The following SHISA9 variants were observed in gnomAD, a reference collection of about 807,000 sequenced individuals.
The protein encoded by SHISA9 is protein shisa-9.
SHISA9 carries 13 observed loss-of-function variants against 38.0 expected under a neutral mutation model. The ratio of observed to expected loss-of-function variants is 0.34; its 90% CI spans 0.22 to 0.54. SHISA9 has a LOEUF of 0.54. Among genes scored for constraint, SHISA9 ranks in the 20% least tolerant of loss-of-function variants. SHISA9 has a pLI of 0.91. For missense variants in SHISA9, 538 were observed against 575.8 expected, an observed-to-expected ratio of 0.93 and a Z score of 0.67; for synonymous variants, 275 against 242.0, an observed-to-expected ratio of 1.14 and a Z score of -1.27.
At chr16:13,264,245 G>T in the SHISA9 span, among the ~76,000 whole-genome samples, 33 of 150,624 alleles carry the variant, frequency 2.2e-4, no homozygotes, top group Non-Finnish European at 1.0e-4. Flanking sequence ...CATGATCTTG[G>T]CTCTCTGCAA....
At chr16:13,041,237 A>C (rs1501316) in intron 2 of SHISA9, among the ~76,000 whole-genome samples, 118,345 of 152,084 alleles carry the variant, frequency 0.78, 46,516 homozygotes, top group African/African-American at 0.89. Flanking sequence ...TGTTTCCTCA[A>C]TGTTTTCTCT....
intron 2 of SHISA9, among the ~76,000 whole-genome samples, chr16:12,917,018 A>G (rs1359095892): frequency 6.6e-6 from 1 of 152,142 alleles, no homozygotes; most frequent in Non-Finnish European, 1.5e-5. Context: ...ATGGCGATCC[A>G]CTTGGTTGGT....
chr16:13,072,514 G>A (rs1215149251), intron 2 of SHISA9, among the ~76,000 whole-genome samples: 2 of 152,112 alleles, frequency 1.3e-5, no homozygotes, highest in African/African-American at 4.8e-5. Context: ...ATCCCATCTG[G>A]GTCACTGAGC....
intron 2 of SHISA9, among the ~76,000 whole-genome samples, chr16:12,984,670 G>C (rs533321894): frequency 2.0e-5 from 3 of 152,138 alleles, no homozygotes; most frequent in African/African-American, 4.8e-5. Context: ...AGAGCTACTG[G>C]GCTTTAATAA....
the SHISA9 span, among the ~76,000 whole-genome samples, chr16:13,504,455 G>A: frequency 3.3e-5 from 5 of 152,242 alleles, no homozygotes; most frequent in Admixed American, 2.0e-4. Context: ...ACTGCTCGAA[G>A]CCAAAGCCAA....
At chr16:13,434,340 C>T in the SHISA9 span, among the ~76,000 whole-genome samples, 3 of 151,914 alleles carry the variant, frequency 2.0e-5, no homozygotes, top group Non-Finnish European at 4.4e-5. Context: ...CAGATGCACC[C>T]AGGAACAATA....
At chr16:12,963,744 G>C (rs1004302437) in intron 2 of SHISA9, among the ~76,000 whole-genome samples, 1 of 152,100 alleles carries the variant, frequency 6.6e-6, no homozygotes, top group Non-Finnish European at 1.5e-5. Flanking sequence ...TCCATTTCTG[G>C]CTCTCCAGTC....
the SHISA9 span, among the ~76,000 whole-genome samples, chr16:13,550,842 G>C: frequency 6.6e-6 from 1 of 151,830 alleles, no homozygotes; most frequent in African/African-American, 2.4e-5. Flanking sequence ...GATGGGCACA[G>C]GCCAGGTGCA....
the SHISA9 span, among the ~76,000 whole-genome samples, chr16:13,336,965 CT>C: frequency 6.6e-6 from 1 of 152,174 alleles, no homozygotes; most frequent in Non-Finnish European, 1.5e-5. Context: ...AACTGACCCA[CT>C]TTTTAAAAAG....
In SHISA9 at chr16:13,203,686, T is replaced by G. The variant is rs2051029671; in HGVS notation, c.847+137T>G. 5 of 922,904 alleles carry G rather than the reference T, an allele frequency of 5.4e-6. 1 individual carries two copies. Among genetic ancestry groups the G allele is most frequent in the Middle Eastern group, 2.5e-4 (1 of 4,058 alleles). The allele number at this position is 922,904 out of a possible 1,614,324, so 57.2% of individuals were successfully genotyped here. On this transcript the variant is annotated intron_variant, in intron 3 of 4. Coordinates refer to ENST00000558583, the MANE Select transcript of SHISA9 (RefSeq NM_001145204.3). ...CTTTTTTTCTCTTTCTGCTTTTCTC[T>G]GCCTCTATCTCATTTTTGTTCTCTC...
intron 2 of SHISA9, among the ~76,000 whole-genome samples, chr16:13,069,510 GTA>G (rs1476587438): frequency 6.6e-6 from 1 of 151,750 alleles, no homozygotes; most frequent in Non-Finnish European, 1.5e-5. Context: ...GTGTATATGT[GTA>G]TACATGTGTG....
chr16:13,159,535 G>T (rs932559762), intron 2 of SHISA9, among the ~76,000 whole-genome samples: 1 of 152,222 alleles, frequency 6.6e-6, no homozygotes, highest in Non-Finnish European at 1.5e-5. Flanking sequence ...CCTAAAACTG[G>T]AGTAAAATTT....
intron 2 of SHISA9, among the ~76,000 whole-genome samples, chr16:13,186,732 G>A (rs1049903025): frequency 5.9e-5 from 9 of 152,132 alleles, no homozygotes; most frequent in African/African-American, 9.6e-5. Flanking sequence ...CCCAATCCCC[G>A]CTTCTCCAGC....
chr16:13,518,704 T>C, the SHISA9 span, among the ~76,000 whole-genome samples: 1 of 152,200 alleles, frequency 6.6e-6, no homozygotes, highest in Admixed American at 6.5e-5. Flanking sequence ...CCTCTTCCTC[T>C]AAAGATGTAT....
chr16:13,078,518 G>T (rs2073610499), intron 2 of SHISA9, among the ~76,000 whole-genome samples: 1 of 152,056 alleles, frequency 6.6e-6, no homozygotes. Context: ...AGATTCTCCT[G>T]CCTCAGCCAC....
At chr16:13,244,996 T>G (rs1007409095), downstream of SHISA9, among the ~76,000 whole-genome samples, 4 of 152,142 alleles carry the variant, frequency 2.6e-5, no homozygotes, top group Admixed American at 6.6e-5. Context: ...GCTCACTGCA[T>G]CTTTGACCTC....
At chr16:13,331,092 G>T in the SHISA9 span, among the ~76,000 whole-genome samples, 1 of 152,176 alleles carries the variant, frequency 6.6e-6, no homozygotes, top group South Asian at 2.1e-4. Context: ...CCAAGTAATA[G>T]ATATTGAGTA....
intron 2 of SHISA9, among the ~76,000 whole-genome samples, chr16:13,035,839 G>T (rs923304371): frequency 1.3e-5 from 2 of 152,124 alleles, no homozygotes; most frequent in East Asian, 3.9e-4. Flanking sequence ...AGATTTAAAT[G>T]GGCAAAGATT....
rs574474513 is a variant in SHISA9 at position 13,076,255 on chromosome 16, T to C, written c.692-127139T>C. ...CATGTTGGCCAGGCTGGTCTCAAAC[T>C]CCTGACCTCAGGCGATCTGCCCAAC... On this transcript the variant is annotated intron_variant, in intron 2 of 4. Transcript: ENST00000558583. Among the ~76,000 whole-genome samples the C allele has an allele frequency of 2.0e-5, 3 of 152,206 alleles. No homozygotes were observed. In the South Asian group the frequency reaches 6.2e-4, roughly 32 times the overall value.
Sources: gnomAD v4.1 joint callset for allele counts (sites outside exome capture counted in the v4.1 genomes callset) on GRCh38, gnomAD v4.1.1 for gene constraint, MANE v1.5 for transcripts, NCBI Gene and HGNC (gene_info 2026-07-23, HGNC 2026-07-21) for gene names.